ZC3H12D: variants seen among roughly 807,000 people sequenced by gnomAD.
ZC3H12D encodes probable ribonuclease ZC3H12D.
Under a neutral mutation model 24.2 loss-of-function variants are expected in ZC3H12D, and 11 were observed. The ratio of observed to expected loss-of-function variants is 0.46; its 90% CI spans 0.29 to 0.75. ZC3H12D has a LOEUF of 0.75. Among genes scored for constraint, ZC3H12D ranks in the 30% least tolerant of loss-of-function variants. The pLI is 0.11. For synonymous variants in ZC3H12D, 333 were observed against 341.8 expected (o/e 0.97, Z 0.28); for missense variants, 740 against 767.7 (o/e 0.96, Z 0.43).
In ZC3H12D at chr6:149,449,455, T is replaced by C. The variant is rs1775844599; in HGVS notation, c.*1228A>G. 6.6e-6 allele frequency: 1 copy of C among 151,610 alleles called. No homozygotes were observed. Among genetic ancestry groups the C allele is most frequent in the African/African-American group, 2.4e-5 (1 of 41,202 alleles). The allele number at this position is 151,610 out of a possible 1,614,324, so 9.4% of individuals were successfully genotyped here. A position where few individuals can be genotyped will look rare whatever the true frequency, so the allele number is the denominator to read the frequency against. ...TGAGACTCTGTCTTTTTTTTTTTTT[T>C]AAGACGGAGTCTCGCTCTGCTGCCC... On this transcript the variant is annotated 3_prime_UTR_variant, in exon 6 of 6. Coordinates refer to ENST00000409806, the MANE Select transcript of ZC3H12D (RefSeq NM_207360.3).
Position 149,456,623 on chromosome 6 carries a change from G to GGGGGGAGGGCCC in ZC3H12D, c.680+42_680+43insGGGCCCTCCCCC. On this transcript the variant is annotated intron_variant, in intron 4 of 5. Transcript: ENST00000409806. The surrounding 1 kb of genome is among the most constrained non-coding windows in gnomAD (Gnocchi z 4.3). ...GCCACTGCCTCGACCCCGGCCCCCC[G>GGGGGGAGGGCCC]CCCCGCCGCCCCCCAGGGTGTCAGG... 1.3e-6 allele frequency: 1 copy of GGGGGGAGGGCCC among 744,590 alleles called. No individual in the cohort carries two copies. The highest frequency in any genetic ancestry group is 2.2e-6 in the Non-Finnish European group (1 of 456,108). The allele number at this position is 744,590 out of a possible 1,614,324, so 46.1% of individuals were successfully genotyped here.
intron 2 of ZC3H12D, among the ~76,000 whole-genome samples, chr6:149,467,264 T>A (rs976479726): frequency 1.3e-5 from 2 of 152,052 alleles, no homozygotes; most frequent in Admixed American, 1.3e-4. Context: ...CTTTTTTTTT[T>A]ATTTAAGAAA....
chr6:149,465,115 A>G (rs995973845), intron 2 of ZC3H12D, among the ~76,000 whole-genome samples: 3 of 152,190 alleles, frequency 2.0e-5, no homozygotes, highest in Non-Finnish European at 4.4e-5. Context: ...GCACTTTGGG[A>G]GGCTGAGGTG....
chr6:149,462,318 G>C (rs1481587011), intron 2 of ZC3H12D, among the ~76,000 whole-genome samples: 1 of 152,100 alleles, frequency 6.6e-6, no homozygotes, highest in Non-Finnish European at 1.5e-5. Flanking sequence ...AGGATTCAGT[G>C]AGCTGCAATC....
intron 4 of ZC3H12D, among the ~76,000 whole-genome samples, chr6:149,455,974 C>T (rs1344145061): frequency 6.7e-6 from 1 of 150,094 alleles, no homozygotes; most frequent in Non-Finnish European, 1.5e-5. Flanking sequence ...AAAAAGACAG[C>T]CAGGCACGGT....
intron 1 of ZC3H12D, among the ~76,000 whole-genome samples, chr6:149,479,531 G>A (rs1776392221): frequency 1.3e-5 from 2 of 152,134 alleles, no homozygotes; most frequent in African/African-American, 4.8e-5. Context: ...CAGACAGAAT[G>A]AGCAGCTTGG....
intron 1 of ZC3H12D, among the ~76,000 whole-genome samples, chr6:149,475,036 C>G (rs384334): frequency 0.65 from 98,604 of 152,042 alleles, 33,796 homozygotes; most frequent in African/African-American, 0.87. Flanking sequence ...AAAGGAGGTC[C>G]CTAATCCAAT....
At chr6:149,481,805 C>T (rs149224364) in intron 1 of ZC3H12D, among the ~76,000 whole-genome samples, 1 of 152,218 alleles carries the variant, frequency 6.6e-6, no homozygotes, top group Admixed American at 6.5e-5. Context: ...AGTAAAATGG[C>T]AGAGATGATC....
chr6:149,483,690 G>A (rs1374499029), intron 1 of ZC3H12D, among the ~76,000 whole-genome samples: 1 of 152,138 alleles, frequency 6.6e-6, no homozygotes, highest in African/African-American at 2.4e-5. Flanking sequence ...TGGAACTACA[G>A]GCACACACTC....
In ZC3H12D at chr6:149,452,590, C is replaced by G. The variant is rs531449629; in HGVS notation, c.787+26G>C. 7 of 1,501,570 alleles carry G rather than the reference C, an allele frequency of 4.7e-6. No homozygotes were observed. In the South Asian group the frequency reaches 9.5e-5, roughly 20 times the overall value. 93.0% of individuals were successfully genotyped at this position (1,501,570 alleles called of 1,614,324 possible). A position where few individuals can be genotyped will look rare whatever the true frequency, so the allele number is the denominator to read the frequency against. The stretch of plus-strand genomic sequence containing the variant: ...CCCCCACACAAGGCCCTGAACAGGG[C>G]CTGCGAAGCACTGGGCCCTACCCAC... On this transcript the variant is annotated intron_variant, in intron 5 of 5. Coordinates refer to ENST00000409806, the MANE Select transcript of ZC3H12D (RefSeq NM_207360.3). This position sits in a 1 kb window ranked among gnomAD's most constrained non-coding sequence, Gnocchi z 4.0.
At chr6:149,459,504 T>C in intron 3 of ZC3H12D, 1 of 696,998 alleles carries the variant, frequency 1.4e-6, no homozygotes, top group Non-Finnish European at 2.7e-6. Flanking sequence ...GCCCAGAATA[T>C]GCGCAGAAGG....
intron 4 of ZC3H12D, among the ~76,000 whole-genome samples, chr6:149,453,823 T>TGGAGTCCA (rs1775938702): frequency 6.6e-6 from 1 of 152,168 alleles, no homozygotes; most frequent in Admixed American, 6.5e-5. Context: ...GGAGGATCCC[T>TGGAGTCCA]GGAGTCCAGG....
In ZC3H12D at chr6:149,448,091, C is replaced by T. The variant is rs1348689005; in HGVS notation, c.*2592G>A. The T allele has an allele frequency of 6.6e-6, 1 of 152,090 alleles. No individual in the cohort carries two copies. The highest frequency in any genetic ancestry group is 1.9e-4 in the East Asian group (1 of 5,174). 9.4% of individuals were successfully genotyped at this position (152,090 alleles called of 1,614,324 possible). A position where few individuals can be genotyped will look rare whatever the true frequency, so the allele number is the denominator to read the frequency against. ...GATCACAAGGTCAGGAGATCGAGAC[C>T]ATCCTGGCTAACACGGTGAAACCCC... On this transcript the variant is annotated 3_prime_UTR_variant, in exon 6 of 6. Transcript: ENST00000409806.
At chr6:149,473,004 G>GAA (rs1776269635) in intron 2 of ZC3H12D, among the ~76,000 whole-genome samples, 1 of 152,090 alleles carries the variant, frequency 6.6e-6, no homozygotes, top group Admixed American at 6.6e-5. Flanking sequence ...TACCTATCTG[G>GAA]TGCCTATACA....
intron 2 of ZC3H12D, among the ~76,000 whole-genome samples, chr6:149,469,229 G>A (rs1037792333): frequency 1.3e-5 from 2 of 152,150 alleles, no homozygotes; most frequent in Non-Finnish European, 2.9e-5. Flanking sequence ...AGGCCGAGGC[G>A]GGTGGATCAC....
At position 149,467,546 on chromosome 6, in the gene ZC3H12D, G is replaced by A. The variant is rs979423665; in HGVS notation, c.306-5576C>T. ...TGAGATTACAGGCATGAGCCACTGCGCCTGGCCTTGGAGCTCATTTTTAAG... is the reference window on the plus strand; with the variant it reads ...TGAGATTACAGGCATGAGCCACTGCACCTGGCCTTGGAGCTCATTTTTAAG... On this transcript the variant is annotated intron_variant, in intron 2 of 5. Transcript: ENST00000409806. Among the ~76,000 whole-genome samples the A allele has an allele frequency of 2.6e-5, 4 of 151,956 alleles. No individual in the cohort carries two copies. The East Asian group carries it at 5.8e-4, about 22-fold the overall frequency.
rs372207222 is a variant in ZC3H12D at position 149,474,442 on chromosome 6, G to A, written c.102C>T (p.Asn34=). 5.2e-5 allele frequency: 83 copies of A among 1,603,496 alleles called. No homozygotes were observed. The highest frequency in any genetic ancestry group is 2.2e-4 in the South Asian group (20 of 90,544). Reference sequence around the variant, plus strand: ...TGCGGATAAGCTCCTGCAGCACGTCGTTGACCAGGGCGCCCTCGCCCAGCT... The same window carrying A: ...TGCGGATAAGCTCCTGCAGCACGTCATTGACCAGGGCGCCCTCGCCCAGCT... ...LGKLGEGALV[N]DVLQELIRTG... The change falls in exon 2 of 6, where the codon AAC becomes AAT. Residue 34 remains asparagine, a synonymous_variant. Transcript: ENST00000409806.
chr6:149,478,954 C>G (rs1776383378), intron 1 of ZC3H12D, among the ~76,000 whole-genome samples: 1 of 152,232 alleles, frequency 6.6e-6, no homozygotes, highest in South Asian at 2.1e-4. Flanking sequence ...AGACAGGCTG[C>G]CGAGGTTGTC....
At chr6:149,469,066 C>G (rs920705822) in intron 2 of ZC3H12D, among the ~76,000 whole-genome samples, 1 of 152,132 alleles carries the variant, frequency 6.6e-6, no homozygotes, top group Non-Finnish European at 1.5e-5. Flanking sequence ...AGGTGCTTTC[C>G]CCCCAAGGTT....
Sources: gnomAD v4.1 joint callset for allele counts (sites outside exome capture counted in the v4.1 genomes callset) on GRCh38, gnomAD v4.1.1 for gene constraint, Gnocchi (gnomAD v3.1) non-coding constraint, MANE v1.5 for transcripts, NCBI Gene and HGNC (gene_info 2026-07-23, HGNC 2026-07-21) for gene names.